Variants in HMSD observed in about 807,000 individuals in gnomAD.
HMSD encodes histocompatibility minor serpin domain containing, also known as serpin-like protein HMSD.
A neutral mutation model predicts 10.0 loss-of-function variants in HMSD; 13 were observed. The ratio of observed to expected loss-of-function variants is 1.31; its 90% CI spans 0.85 to 2.08. The LOEUF (loss-of-function observed/expected upper bound fraction) is 2.08. Among genes scored for constraint, HMSD ranks in the 30% most tolerant of loss-of-function variants. The pLI, the probability that HMSD is intolerant of heterozygous loss-of-function variation, is 0.00. For missense variants in HMSD, 169 were observed against 166.3 expected (o/e 1.02, Z -0.09); for synonymous variants, 51 against 54.2 (o/e 0.94, Z 0.26).
chr18:63,969,624 CAAG>C (rs1161370520), intron 3 of HMSD: 1 of 151,624 alleles, frequency 6.6e-6, no homozygotes, highest in African/African-American at 2.4e-5. Flanking sequence ...GGAGGTCATA[CAAG>C]AAGATCATAT....
At chr18:63,955,916 T>C (rs1053843170) in intron 3 of HMSD, among the ~76,000 whole-genome samples, 2 of 152,182 alleles carry the variant, frequency 1.3e-5, no homozygotes, top group Admixed American at 6.5e-5. Flanking sequence ...CTATGCAAGA[T>C]TGGGAATGGG....
At position 63,960,483 on chromosome 18, in the gene HMSD, G is replaced by C; in HGVS notation, c.*128G>C. 1 of 1,323,910 alleles carries C rather than the reference G, an allele frequency of 7.6e-7. No homozygotes were observed. The highest frequency in any genetic ancestry group is 9.9e-7 in the Non-Finnish European group (1 of 1,005,600). The allele number at this position is 1,323,910 out of a possible 1,614,324, so 82.0% of individuals were successfully genotyped here. A position where few individuals can be genotyped will look rare whatever the true frequency, so the allele number is the denominator to read the frequency against. ...ATCAAGTATCTGTGATGTCTCTCTA[G>C]ATGAAATAATCTCTTCCAGGTTTTT... On this transcript the variant is annotated 3_prime_UTR_variant, in exon 4 of 4. Transcript: ENST00000408945.
intron 1 of HMSD, among the ~76,000 whole-genome samples, chr18:63,952,381 A>G (rs2050335906): frequency 6.6e-6 from 1 of 152,234 alleles, no homozygotes. Context: ...ATGACACTGA[A>G]ACAAATATAG....
Position 63,960,183 on chromosome 18 carries a change from T to C in HMSD, c.248T>C (p.Phe83Ser), listed in dbSNP as rs2050378661. ...LTGFTDSCGK[F>S]YQATIKQLDF... ...GGTTTTACAGATTCCTGTGGCAAAT[T>C]CTACCAAGCAACGATAAAACAGCTA... Residue 83 changes from phenylalanine to serine, a missense_variant, in exon 4 of 4, where the codon TTC becomes TCC. Transcript: ENST00000408945. 1.2e-6 allele frequency: 2 copies of C among 1,612,508 alleles called. No homozygotes were observed. The highest frequency in any genetic ancestry group is 4.5e-5 in the East Asian group (2 of 44,830).
chr18:63,963,108 TCTTTCTTTCTTTCTTTCTTTCTTTC>T (rs2050395166), downstream of HMSD, among the ~76,000 whole-genome samples: 1 of 134,102 alleles, frequency 7.5e-6, no homozygotes, highest in Admixed American at 7.1e-5. Flanking sequence ...TTTCTTTCTT[TCTTTCTTTCTTTCTTTCTTTCTTTC>T]CTTTCTTTCT....
rs756786392 is a variant in HMSD, at chr18:63,960,226, A to G, written c.291A>G (p.Thr97=). 6.2e-7 allele frequency: 1 copy of G among 1,613,572 alleles called. No homozygotes were observed. Among genetic ancestry groups the G allele is most frequent in the Admixed American group, 1.7e-5 (1 of 59,968 alleles). ...TIKQLDFVND[T]EKSTTRVNSW... is the part of the protein sequence containing the mutation. ...AACAGCTAGACTTTGTGAATGATAC[A>G]GAGAAGTCCACAACACGTGTAAACT... Residue 97 remains threonine, a synonymous_variant, in exon 4 of 4, where the codon ACA becomes ACG. Coordinates refer to ENST00000408945, the MANE Select transcript of HMSD (RefSeq NM_001123366.2).
chr18:63,954,917 G>C (rs756479574), intron 3 of HMSD, among the ~76,000 whole-genome samples: 5 of 152,202 alleles, frequency 3.3e-5, no homozygotes, highest in Non-Finnish European at 5.9e-5. Context: ...GCATTAAATA[G>C]TTTGACTAGA....
rs764358102 is a variant in HMSD at position 63,960,509 on chromosome 18, T to C, written c.*154T>C. The C allele has an allele frequency of 5.8e-6, 7 of 1,207,988 alleles. No homozygotes were observed. Among genetic ancestry groups the C allele is most frequent in the Non-Finnish European group, 7.7e-6 (7 of 914,622 alleles). 74.8% of individuals were successfully genotyped at this position (1,207,988 alleles called of 1,614,324 possible). ...ATGAAATAATCTCTTCCAGGTTTTTTTGCTTGTTAATATTAGGTAGTTTTT... is the reference window on the plus strand; with the variant it reads ...ATGAAATAATCTCTTCCAGGTTTTTCTGCTTGTTAATATTAGGTAGTTTTT... On this transcript the variant is annotated 3_prime_UTR_variant, in exon 4 of 4. Coordinates refer to ENST00000408945, the MANE Select transcript of HMSD (RefSeq NM_001123366.2).
intron 3 of HMSD, among the ~76,000 whole-genome samples, chr18:63,969,135 G>A (rs1272579241): frequency 6.6e-6 from 1 of 152,204 alleles, no homozygotes; most frequent in Non-Finnish European, 1.5e-5. Flanking sequence ...GGAACCCCAT[G>A]TATATGAACA....
At chr18:63,968,044 C>T (rs940599368) in intron 3 of HMSD, 2 of 152,196 alleles carry the variant, frequency 1.3e-5, no homozygotes, top group Non-Finnish European at 2.9e-5. Flanking sequence ...TAGATTTGTT[C>T]ATTCTTGGAT....
downstream of HMSD, among the ~76,000 whole-genome samples, chr18:63,964,471 C>T (rs911177251): frequency 6.6e-6 from 1 of 152,180 alleles, no homozygotes; most frequent in Non-Finnish European, 1.5e-5. Flanking sequence ...ACCCAGGAGG[C>T]AGAGGCTGCA....
intron 1 of HMSD, among the ~76,000 whole-genome samples, chr18:63,949,925 GA>G (rs1483054441): frequency 6.6e-6 from 1 of 152,066 alleles, no homozygotes; most frequent in Non-Finnish European, 1.5e-5. Context: ...TTTTGGACTG[GA>G]AAAAAATCAA....
chr18:63,953,444 AT>A lies in HMSD; in HGVS notation c.-5del, dbSNP rs759548469. 1.1e-4 allele frequency: 171 copies of A among 1,611,400 alleles called. No individual in the cohort carries two copies. The highest frequency in any genetic ancestry group is 3.3e-4 in the Middle Eastern group (2 of 6,080). On this transcript the variant is annotated 5_prime_UTR_variant, in exon 2 of 4. Transcript: ENST00000408945. Reference sequence around the variant, plus strand: ...TAGGGGAAAACAACTCAAACAACTTATTTTTTTCCCCATGAGCATATCATCA... The same window carrying A: ...TAGGGGAAAACAACTCAAACAACTTATTTTTTCCCCATGAGCATATCATCA...
At chr18:63,960,108 G>GAT (rs767938646) in intron 3 of HMSD, 50 bp from the exon 4 acceptor site, 1 of 1,511,322 alleles carries the variant, frequency 6.6e-7, no homozygotes. Context: ...GTAAGCCAGT[G>GAT]ATATTAGTTG....
chr18:63,958,737 C>A (rs1476525794), intron 3 of HMSD, among the ~76,000 whole-genome samples: 1 of 152,108 alleles, frequency 6.6e-6, no homozygotes, highest in Non-Finnish European at 1.5e-5. Context: ...TAATATATTT[C>A]AAGTGCTCAA....
Position 63,954,409 on chromosome 18 carries a change from C to A in HMSD, c.74C>A (p.Ala25Glu), listed in dbSNP as rs2050346667. ...TGTTTATTATTATTTTATTTTCAGG[C>A]ACTTTGTTTTAGTAAAATCGGAGGT... ...KGNTAAQMSQ[A>E]LCFSKIGGED... Residue 25 changes from alanine to glutamate, a missense_variant and splice_region_variant, in exon 3 of 4, where the codon GCA (alanine) becomes GAA (glutamate). Transcript: ENST00000408945. 4.4e-6 allele frequency: 7 copies of A among 1,607,258 alleles called. No homozygotes were observed. Among genetic ancestry groups the A allele is most frequent in the Non-Finnish European group, 4.3e-6 (5 of 1,174,986 alleles).
intron 3 of HMSD, among the ~76,000 whole-genome samples, chr18:63,967,165 T>C (rs1027318710): frequency 4.6e-5 from 7 of 152,182 alleles, no homozygotes; most frequent in African/African-American, 1.7e-4. Context: ...TTTGAGACAG[T>C]CTCGCTCTGT....
At chr18:63,963,077 CTT>C (rs1362877005), downstream of HMSD, among the ~76,000 whole-genome samples, 48 of 31,706 alleles carry the variant, frequency 1.5e-3, no homozygotes, top group Middle Eastern at 0.018. Flanking sequence ...CTTTCTCTTT[CTT>C]TCTTTCTTTC....
rs560292853 is a variant in HMSD, at chr18:63,960,418, C to A, written c.*63C>A. 1 of 1,510,084 alleles carries A rather than the reference C, an allele frequency of 6.6e-7. No homozygotes were observed. The highest frequency in any genetic ancestry group is 1.3e-5 in the South Asian group (1 of 77,878). 93.5% of individuals were successfully genotyped at this position (1,510,084 alleles called of 1,614,324 possible). On this transcript the variant is annotated 3_prime_UTR_variant, in exon 4 of 4. Transcript: ENST00000408945. ...TTAAAACCTTTCTTTGGAAATATTGCCAACTCGTAGACCTTTTCTCTAGCT... is the reference window on the plus strand; with the variant it reads ...TTAAAACCTTTCTTTGGAAATATTGACAACTCGTAGACCTTTTCTCTAGCT...
Sources: gnomAD v4.1 joint callset for allele counts (sites outside exome capture counted in the v4.1 genomes callset) on GRCh38, gnomAD v4.1.1 for gene constraint, MANE v1.5 for transcripts, NCBI Gene and HGNC (gene_info 2026-07-23, HGNC 2026-07-21) for gene names.